Variants in CPNE8 observed in about 807,000 individuals in gnomAD.
The protein encoded by CPNE8 is copine-8.
Under a neutral mutation model 81.5 loss-of-function variants are expected in CPNE8, and 45 were observed. The observed-to-expected ratio is 0.55, with a 90% CI of 0.44 to 0.71. The LOEUF (loss-of-function observed/expected upper bound fraction) is 0.71, where lower values mean the gene tolerates loss of function less well. Among genes scored for constraint, CPNE8 ranks in the 30% least tolerant of loss-of-function variants. The pLI is 0.00. For missense variants in CPNE8, 594 were observed against 672.1 expected, an observed-to-expected ratio of 0.88 and a Z score of 1.28; for synonymous variants, 252 against 226.3, an observed-to-expected ratio of 1.11 and a Z score of -1.02.
chr12:38,858,144 T>G (rs1943774915), intron 3 of CPNE8, among the ~76,000 whole-genome samples: 2 of 152,204 alleles, frequency 1.3e-5, no homozygotes, highest in Non-Finnish European at 2.9e-5. Flanking sequence ...TGTCTCCCAG[T>G]TTCTGTGGGA....
At chr12:38,706,641 T>A (rs148316358) in intron 13 of CPNE8, among the ~76,000 whole-genome samples, 137 of 152,306 alleles carry the variant, frequency 9.0e-4, no homozygotes, top group African/African-American at 3.2e-3. Context: ...TAAGAATATA[T>A]GTTTTAGCAG....
At chr12:38,676,217 T>G in intron 17 of CPNE8, 1 of 693,790 alleles carries the variant, frequency 1.4e-6, no homozygotes, top group Non-Finnish European at 1.8e-6. Context: ...AAATAATTTG[T>G]GAGCATATTC....
chr12:38,825,438 G>C (rs1943173411), intron 6 of CPNE8, among the ~76,000 whole-genome samples: 1 of 152,154 alleles, frequency 6.6e-6, no homozygotes. Context: ...TGGAATTTAG[G>C]ACTCCATGGA....
At chr12:38,776,345 T>A in intron 6 of CPNE8, 44 bp from the exon 7 acceptor site, 1 of 600,948 alleles carries the variant, frequency 1.7e-6, no homozygotes, top group Non-Finnish European at 2.5e-6. Context: ...TATGTTATAT[T>A]AATACTATAT....
intron 6 of CPNE8, among the ~76,000 whole-genome samples, chr12:38,793,704 A>G (rs142191370): frequency 4.2e-4 from 63 of 151,534 alleles, no homozygotes; most frequent in African/African-American, 1.5e-3. Flanking sequence ...TTTTGCAGAA[A>G]TAAATAGAAA....
intron 1 of CPNE8, among the ~76,000 whole-genome samples, chr12:38,897,499 G>A (rs1489405173): frequency 6.6e-6 from 1 of 151,684 alleles, no homozygotes; most frequent in African/African-American, 2.4e-5. Context: ...CCATATAATA[G>A]AATACTGCAC....
chr12:38,763,180 T>C (rs1363277279), intron 8 of CPNE8, among the ~76,000 whole-genome samples: 3 of 152,070 alleles, frequency 2.0e-5, no homozygotes, highest in African/African-American at 7.2e-5. Context: ...TTTAAGCAGG[T>C]GAGAGTAGAT....
At chr12:38,857,344 G>T (rs1943758299) in intron 3 of CPNE8, among the ~76,000 whole-genome samples, 1 of 152,120 alleles carries the variant, frequency 6.6e-6, no homozygotes, top group African/African-American at 2.4e-5. Context: ...ACATAGATCT[G>T]TCCTTGTTTA....
chr12:38,863,100 ACC>A lies in CPNE8; in HGVS notation c.186+9902_186+9903del, dbSNP rs1455882945. Among the ~76,000 whole-genome samples, 5 of 152,332 alleles carry A rather than the reference ACC, an allele frequency of 3.3e-5. No individual in the cohort carries two copies. The East Asian group carries it at 9.6e-4, about 29-fold the overall frequency. Reference sequence around the variant, plus strand: ...AACTGATAAACCTTTGCCAAGAAGAACCAAAAAAAGAAACACAAATTATCAAT... The same window carrying A: ...AACTGATAAACCTTTGCCAAGAAGAAAAAAAAAGAAACACAAATTATCAAT... On this transcript the variant is annotated intron_variant, in intron 3 of 19. Coordinates refer to ENST00000331366, the MANE Select transcript of CPNE8 (RefSeq NM_153634.3).
Position 38,875,965 on chromosome 12 carries a change from T to A in CPNE8, c.99-1454A>T, listed in dbSNP as rs1030031655. Among the ~76,000 whole-genome samples the A allele has an allele frequency of 5.3e-5, 8 of 152,340 alleles. No homozygotes were observed. In the East Asian group the frequency reaches 1.4e-3, roughly 26 times the overall value. ...ACTTAAGTGGGAATTCTCCCAATCC[T>A]TCCTGTGACTCAAGCTTTTGCTCAT... On this transcript the variant is annotated intron_variant, in intron 1 of 19. Transcript: ENST00000331366.
intron 10 of CPNE8, among the ~76,000 whole-genome samples, chr12:38,744,584 A>G (rs1399458738): frequency 6.6e-6 from 1 of 152,162 alleles, no homozygotes; most frequent in Non-Finnish European, 1.5e-5. Context: ...TCATCTCTTT[A>G]ACACTGGCCC....
At chr12:38,793,681 G>T (rs945275896) in intron 6 of CPNE8, among the ~76,000 whole-genome samples, 4 of 151,634 alleles carry the variant, frequency 2.6e-5, no homozygotes, top group African/African-American at 9.7e-5. Flanking sequence ...CTACCAAAAT[G>T]CCAATGGCAT....
chr12:38,794,862 T>C lies in CPNE8; in HGVS notation c.408-18561A>G, dbSNP rs145264238. Among the ~76,000 whole-genome samples, 160 of 152,310 alleles carry C rather than the reference T, an allele frequency of 1.1e-3. 1 individual carries two copies. Among genetic ancestry groups the C allele is most frequent in the African/African-American group, 3.6e-3 (148 of 41,572 alleles). On this transcript the variant is annotated intron_variant, in intron 6 of 19. Coordinates refer to ENST00000331366, the MANE Select transcript of CPNE8 (RefSeq NM_153634.3). ...GTGTTGCCAAAGGAGATTAACCTGT[T>C]AGTCAGTGGACTGAGAGAGGTAGAT...
At chr12:38,726,460 A>G (rs1940699843) in intron 11 of CPNE8, 1 of 152,178 alleles carries the variant, frequency 6.6e-6, no homozygotes, top group South Asian at 2.1e-4. Context: ...CACTGGCAAG[A>G]TCACAAATTT....
intron 6 of CPNE8, among the ~76,000 whole-genome samples, chr12:38,785,438 G>A (rs1019793359): frequency 6.6e-6 from 1 of 151,966 alleles, no homozygotes; most frequent in Non-Finnish European, 1.5e-5. Context: ...ATTCCCACAT[G>A]TTGTGGAGGG....
intron 6 of CPNE8, among the ~76,000 whole-genome samples, chr12:38,794,365 A>G (rs1005847656): frequency 2.6e-5 from 4 of 152,164 alleles, no homozygotes; most frequent in African/African-American, 9.7e-5. Context: ...AAGTGAACAT[A>G]GGGCTGGAAT....
At chr12:38,717,543 T>A (rs1053210332) in intron 13 of CPNE8, among the ~76,000 whole-genome samples, 1 of 149,484 alleles carries the variant, frequency 6.7e-6, no homozygotes, top group African/African-American at 2.5e-5. Context: ...GTATTTATTC[T>A]AAGTAAAGTA....
chr12:38,855,220 C>A (rs950279226), intron 3 of CPNE8, among the ~76,000 whole-genome samples: 1 of 151,540 alleles, frequency 6.6e-6, no homozygotes, highest in African/African-American at 2.4e-5. Flanking sequence ...AAAAAAAACA[C>A]TGATGAAAGA....
At chr12:38,761,393 AG>A (rs1433633089) in intron 9 of CPNE8, among the ~76,000 whole-genome samples, 2 of 152,222 alleles carry the variant, frequency 1.3e-5, no homozygotes, top group African/African-American at 4.8e-5. Context: ...TGACTTTCTT[AG>A]GAACTTTTCT....
Sources: allele counts gnomAD v4.1 joint callset (sites outside exome capture counted in the v4.1 genomes callset), GRCh38; gene constraint gnomAD v4.1.1; transcripts MANE v1.5; gene names NCBI Gene and HGNC (gene_info 2026-07-23, HGNC 2026-07-21).